MOB3B: variants seen among roughly 807,000 people sequenced by gnomAD.
The protein encoded by MOB3B is MOB kinase activator-like 2B.
In MOB3B, 7 loss-of-function variants were observed where a neutral mutation model predicts 18.7. The ratio of observed to expected loss-of-function variants is 0.37; its 90% confidence interval spans 0.21 to 0.70. MOB3B has a LOEUF of 0.70. Ranked by LOEUF, MOB3B falls within the 30% of genes least tolerant of loss-of-function variation. The probability of loss-of-function intolerance (pLI) is 0.52; values close to 1 mark genes in which losing one functional copy is unlikely to be tolerated. For synonymous variants in MOB3B, 111 were observed against 99.9 expected, an observed-to-expected ratio of 1.11 and a Z score of -0.66; for missense variants, 253 against 281.3, an observed-to-expected ratio of 0.90 and a Z score of 0.72.
chr9:27,500,063 A>C (rs1452286056), intron 1 of MOB3B, among the ~76,000 whole-genome samples: 1 of 152,164 alleles, frequency 6.6e-6, no homozygotes, highest in Non-Finnish European at 1.5e-5. Flanking sequence ...GGAAGGTTTG[A>C]CTAGACCTCA....
chr9:27,504,789 A>G (rs931242924), intron 1 of MOB3B, among the ~76,000 whole-genome samples: 1 of 152,212 alleles, frequency 6.6e-6, no homozygotes, highest in African/African-American at 2.4e-5. Context: ...AGTGGCTTCA[A>G]ACATCATAAG....
intron 1 of MOB3B, among the ~76,000 whole-genome samples, chr9:27,480,656 G>GTCTTGATC (rs1486060325): frequency 6.6e-6 from 1 of 151,566 alleles, no homozygotes; most frequent in African/African-American, 2.4e-5. Context: ...GGCCAGGATG[G>GTCTTGATC]TCTTGATCTC....
At chr9:27,474,208 T>C (rs1175900562) in intron 1 of MOB3B, among the ~76,000 whole-genome samples, 1 of 152,196 alleles carries the variant, frequency 6.6e-6, no homozygotes, top group Admixed American at 6.5e-5. Flanking sequence ...GGGAAGGAGA[T>C]AAAGTAATAG....
At chr9:27,489,200 T>G (rs1476574205) in intron 1 of MOB3B, among the ~76,000 whole-genome samples, 2 of 152,238 alleles carry the variant, frequency 1.3e-5, no homozygotes, top group African/African-American at 2.4e-5. Flanking sequence ...TCCTAGTCCG[T>G]CTTTCCCTTT....
At chr9:27,507,688 C>G (rs766171632) in intron 1 of MOB3B, among the ~76,000 whole-genome samples, 1 of 152,204 alleles carries the variant, frequency 6.6e-6, no homozygotes, top group African/African-American at 2.4e-5. Context: ...CCCCTCAGAC[C>G]TACTGGGGTG....
chr9:27,394,836 T>C (rs1177164195), intron 2 of MOB3B, among the ~76,000 whole-genome samples: 1 of 151,914 alleles, frequency 6.6e-6, no homozygotes, highest in Non-Finnish European at 1.5e-5. Context: ...AAGGAGAAAA[T>C]CATGTTATCT....
intron 2 of MOB3B, among the ~76,000 whole-genome samples, chr9:27,429,310 C>T (rs185168991): frequency 6.6e-6 from 1 of 152,242 alleles, no homozygotes; most frequent in Admixed American, 6.5e-5. Flanking sequence ...TGCATAGCCC[C>T]ACATGGAAAA....
intron 1 of MOB3B, among the ~76,000 whole-genome samples, chr9:27,525,251 C>CT (rs1820418591): frequency 6.6e-6 from 1 of 152,166 alleles, no homozygotes; most frequent in Non-Finnish European, 1.5e-5. Context: ...TTTGAAAGAG[C>CT]TTTGCTATAT....
chr9:27,426,321 T>C (rs1167363223), intron 2 of MOB3B, among the ~76,000 whole-genome samples: 3 of 152,056 alleles, frequency 2.0e-5, no homozygotes, highest in African/African-American at 7.2e-5. Flanking sequence ...AGGAAAGGGG[T>C]TATACGTTTT....
At chr9:27,483,570 A>G (rs558521675) in intron 1 of MOB3B, among the ~76,000 whole-genome samples, 143 of 152,378 alleles carry the variant, frequency 9.4e-4, no homozygotes, top group African/African-American at 3.3e-3. Flanking sequence ...TCTTGACTGC[A>G]TAGCTCCTGA....
intron 2 of MOB3B, among the ~76,000 whole-genome samples, chr9:27,390,080 G>A (rs1821705761): frequency 6.6e-6 from 1 of 152,094 alleles, no homozygotes; most frequent in Non-Finnish European, 1.5e-5. Flanking sequence ...ATATATATGT[G>A]TGTATATATA....
At chr9:27,380,091 C>A (rs1821554177) in intron 2 of MOB3B, among the ~76,000 whole-genome samples, 1 of 152,030 alleles carries the variant, frequency 6.6e-6, no homozygotes, top group East Asian at 1.9e-4. Flanking sequence ...CTGGATCAAC[C>A]CCTGTATCTT....
intron 2 of MOB3B, among the ~76,000 whole-genome samples, chr9:27,362,926 G>C (rs1216654126): frequency 6.6e-6 from 1 of 152,220 alleles, no homozygotes; most frequent in Non-Finnish European, 1.5e-5. Flanking sequence ...GGACTTGGAA[G>C]AGGTTATCCC....
chr9:27,352,371 C>CA (rs372959856), intron 3 of MOB3B, among the ~76,000 whole-genome samples: 4,475 of 67,838 alleles, frequency 0.066, 198 homozygotes, highest in East Asian at 0.2. Flanking sequence ...GACCCTGTCT[C>CA]AAAAAAAAAA....
intron 1 of MOB3B, chr9:27,524,744 T>C: frequency 6.2e-7 from 1 of 1,613,648 alleles, no homozygotes; most frequent in Non-Finnish European, 8.5e-7. Context: ...AGAATGAAAA[T>C]GAAGACATGA....
chr9:27,374,107 C>T (rs1821458939), intron 2 of MOB3B, among the ~76,000 whole-genome samples: 2 of 152,218 alleles, frequency 1.3e-5, no homozygotes, highest in Non-Finnish European at 2.9e-5. Flanking sequence ...TAAATGTTAT[C>T]CAACCAAACA....
At chr9:27,453,846 A>G (rs1211555328) in intron 2 of MOB3B, among the ~76,000 whole-genome samples, 1 of 152,228 alleles carries the variant, frequency 6.6e-6, no homozygotes, top group Non-Finnish European at 1.5e-5. Flanking sequence ...ACAGTCAATG[A>G]AAAGTGCAAA....
chr9:27,375,175 T>C (rs942311926), intron 2 of MOB3B, among the ~76,000 whole-genome samples: 5 of 152,252 alleles, frequency 3.3e-5, no homozygotes, highest in African/African-American at 1.2e-4. Flanking sequence ...TTGGCCATAC[T>C]GGAAAATCAT....
rs1365361780 is a variant in MOB3B, at chr9:27,358,810, C to T, written c.621+224G>A. On this transcript the variant is annotated intron_variant, in intron 3 of 3. Transcript: ENST00000262244. The stretch of plus-strand genomic sequence containing the variant: ...GATCCAAACTATTATATTCCCACAA[C>T]ATTCTGCCACCTCTTGGAGGGTAAT... The T allele has an allele frequency of 2.6e-5, 19 of 731,980 alleles. No homozygotes were observed. In the East Asian group the frequency reaches 4.2e-4, roughly 16 times the overall value. 45.3% of individuals were successfully genotyped at this position (731,980 alleles called of 1,614,324 possible).
Sources: allele counts gnomAD v4.1 joint callset (sites outside exome capture counted in the v4.1 genomes callset), GRCh38; gene constraint gnomAD v4.1.1; transcripts MANE v1.5; gene names NCBI Gene and HGNC (gene_info 2026-07-23, HGNC 2026-07-21).